The following GSG1 variants were observed in gnomAD, a reference collection of about 807,000 sequenced individuals.
GSG1 encodes germ cell-specific gene 1 protein.
GSG1 carries 28 observed loss-of-function variants against 30.8 expected under a neutral mutation model. The ratio of observed to expected loss-of-function variants is 0.91; its 90% CI spans 0.67 to 1.25. The LOEUF (loss-of-function observed/expected upper bound fraction) is 1.25, where lower values mean the gene tolerates loss of function less well. Ranked by LOEUF, GSG1 falls within the 50% of genes most tolerant of loss-of-function variation. The probability of loss-of-function intolerance (pLI) is 0.00; values close to 1 mark genes in which losing one functional copy is unlikely to be tolerated. For missense variants in GSG1, 435 were observed against 444.7 expected, an observed-to-expected ratio of 0.98 and a Z score of 0.20; for synonymous variants, 162 against 178.0, an observed-to-expected ratio of 0.91 and a Z score of 0.71.
intron 2 of GSG1, among the ~76,000 whole-genome samples, chr12:13,089,624 G>A (rs1353628201): frequency 6.6e-6 from 1 of 152,208 alleles, no homozygotes. Flanking sequence ...TGGCTGGCTG[G>A]CTTCGGTTCC....
chr12:13,098,424 T>C (rs890119344), intron 1 of GSG1, among the ~76,000 whole-genome samples: 1 of 144,722 alleles, frequency 6.9e-6, no homozygotes, highest in Non-Finnish European at 1.5e-5. Flanking sequence ...CCACTCCCTA[T>C]AGGAGTCTTG....
At chr12:13,097,345 T>C (rs750651203) in intron 1 of GSG1, among the ~76,000 whole-genome samples, 1 of 152,132 alleles carries the variant, frequency 6.6e-6, no homozygotes, top group Non-Finnish European at 1.5e-5. Flanking sequence ...TCATGATCCT[T>C]GTCACACTAT....
At chr12:13,097,023 G>A (rs1866715864) in intron 1 of GSG1, among the ~76,000 whole-genome samples, 1 of 152,110 alleles carries the variant, frequency 6.6e-6, no homozygotes. Flanking sequence ...CTGGGAGATG[G>A]AGGTTGCAGT....
At chr12:13,096,583 G>A (rs1018389577) in intron 1 of GSG1, among the ~76,000 whole-genome samples, 2 of 152,076 alleles carry the variant, frequency 1.3e-5, no homozygotes, top group African/African-American at 4.8e-5. Flanking sequence ...GATAGAATAG[G>A]ATTGGAGATA....
chr12:13,092,727 G>A (rs1340134461), intron 1 of GSG1, among the ~76,000 whole-genome samples: 2 of 152,056 alleles, frequency 1.3e-5, no homozygotes, highest in Non-Finnish European at 2.9e-5. Context: ...TGAGTAAATT[G>A]AGGGTGTTCT....
intron 1 of GSG1, among the ~76,000 whole-genome samples, chr12:13,099,597 G>A (rs1046658350): frequency 6.6e-6 from 1 of 152,194 alleles, no homozygotes; most frequent in East Asian, 1.9e-4. Context: ...CACATACTTC[G>A]TAAATGGGAA....
At chr12:13,089,111 G>T in intron 3 of GSG1, 97 bp downstream of exon 3, 1 of 1,353,638 alleles carries the variant, frequency 7.4e-7, no homozygotes, top group Non-Finnish European at 1.0e-6. Flanking sequence ...TTCAGTCTCT[G>T]ATAATGCAGA....
At position 13,099,740 on chromosome 12, in the gene GSG1, G is replaced by GTTT. The variant is rs1243237814; in HGVS notation, c.48+3722_48+3724dup. On this transcript the variant is annotated intron_variant, in intron 1 of 6. Transcript: ENST00000651961. ...AAGGCCTGGGGCTAAGGGATCCGGT[G>GTTT]TTTTTTTTTGTTTTTTTTTTTTTTT... Among the ~76,000 whole-genome samples the GTTT allele has an allele frequency of 1.4e-3, 136 of 95,766 alleles. 3 individuals are homozygous for GTTT. Among genetic ancestry groups the GTTT allele is most frequent in the Non-Finnish European group, 2.0e-3 (102 of 50,006 alleles). The allele number at this position is 95,766 out of a possible 152,430, so 62.8% of individuals were successfully genotyped here.
chr12:13,095,418 T>A (rs1866578114), intron 1 of GSG1, among the ~76,000 whole-genome samples: 1 of 152,212 alleles, frequency 6.6e-6, no homozygotes, highest in African/African-American at 2.4e-5. Context: ...CATTAGGAAG[T>A]GCGTAGGCGC....
intron 1 of GSG1, among the ~76,000 whole-genome samples, chr12:13,096,670 T>G (rs1437994873): frequency 1.3e-5 from 2 of 152,062 alleles, no homozygotes; most frequent in East Asian, 1.9e-4. Context: ...ATGACAATAT[T>G]TTATATTTCA....
At chr12:13,103,219 G>GTTT (rs937185612) in intron 1 of GSG1, among the ~76,000 whole-genome samples, 2 of 152,232 alleles carry the variant, frequency 1.3e-5, no homozygotes, top group Non-Finnish European at 2.9e-5. Flanking sequence ...AGAAATGGAA[G>GTTT]TTTTAATGAA....
chr12:13,090,940 A>T, intron 1 of GSG1, 122 bp from the exon 2 acceptor site: 1 of 801,340 alleles, frequency 1.2e-6, no homozygotes, highest in Non-Finnish European at 1.9e-6. Flanking sequence ...TCCAAGGCAG[A>T]TAGGCACAAC....
Position 13,084,750 on chromosome 12 carries a change from C to T in GSG1, c.*151G>A. 1 of 568,626 alleles carries T rather than the reference C, an allele frequency of 1.8e-6. No individual in the cohort carries two copies. The highest frequency in any genetic ancestry group is 3.1e-6 in the Non-Finnish European group (1 of 322,126). The allele number at this position is 568,626 out of a possible 1,614,324, so 35.2% of individuals were successfully genotyped here. A position where few individuals can be genotyped will look rare whatever the true frequency, so the allele number is the denominator to read the frequency against. Reference sequence around the variant, plus strand: ...AAAGAGAGCAGTGGCACCCAGGAATCCCTTAGGACTTAAAGATAACCCTTA... The same window carrying T: ...AAAGAGAGCAGTGGCACCCAGGAATTCCTTAGGACTTAAAGATAACCCTTA... On this transcript the variant is annotated 3_prime_UTR_variant, in exon 7 of 7. Transcript: ENST00000651961.
In GSG1 at chr12:13,099,750, G is replaced by GTTTTTTTTTTTTTTTTTTTTT. The variant is rs57762367; in HGVS notation, c.48+3714_48+3715insAAAAAAAAAAAAAAAAAAAAA. Among the ~76,000 whole-genome samples, 33 of 114,820 alleles carry GTTTTTTTTTTTTTTTTTTTTT rather than the reference G, an allele frequency of 2.9e-4. 1 individual carries two copies. The highest frequency in any genetic ancestry group is 6.5e-4 in the African/African-American group (21 of 32,262). The allele number at this position is 114,820 out of a possible 152,430, so 75.3% of individuals were successfully genotyped here. A position where few individuals can be genotyped will look rare whatever the true frequency, so the allele number is the denominator to read the frequency against. On this transcript the variant is annotated intron_variant, in intron 1 of 6. Coordinates refer to ENST00000651961, the MANE Select transcript of GSG1 (RefSeq NM_001080555.4). Reference sequence around the variant, plus strand: ...GCTAAGGGATCCGGTGTTTTTTTTTGTTTTTTTTTTTTTTTTTTGTTTTTT... The same window carrying GTTTTTTTTTTTTTTTTTTTTT: ...GCTAAGGGATCCGGTGTTTTTTTTTGTTTTTTTTTTTTTTTTTTTTTTTTTTTTTTTTTTTTTTTGTTTTTT...
chr12:13,087,009 A>T (rs999203045), intron 6 of GSG1, 143 bp downstream of exon 6: 2 of 605,908 alleles, frequency 3.3e-6, no homozygotes. Flanking sequence ...TGCCCTGATG[A>T]TGCAGCCCTG....
rs1021259913 is a variant in GSG1, at chr12:13,101,457, G to C, written c.48+2008C>G. Among the ~76,000 whole-genome samples the C allele has an allele frequency of 6.6e-6, 1 of 152,242 alleles. No individual in the cohort carries two copies. The highest frequency in any genetic ancestry group is 2.4e-5 in the African/African-American group (1 of 41,464). ...TGTTTCTTCCTCTGGGTCTTCCTCC[G>C]TCGGTTGAGAACGGTGTCCCGGGGG... is the stretch of plus-strand genomic sequence containing the variant. On this transcript the variant is annotated intron_variant, in intron 1 of 6. Transcript: ENST00000651961. The surrounding 1 kb of genome is among the most constrained non-coding windows in gnomAD (Gnocchi z 5.8).
chr12:13,098,776 A>T (rs1200675842), intron 1 of GSG1, among the ~76,000 whole-genome samples: 1 of 152,000 alleles, frequency 6.6e-6, no homozygotes, highest in Non-Finnish European at 1.5e-5. Context: ...GCCTCTGCTC[A>T]TAAACTGCAC....
intron 6 of GSG1, 117 bp from the exon 7 acceptor site, chr12:13,085,360 T>C: frequency 2.2e-6 from 2 of 898,692 alleles, no homozygotes; most frequent in Non-Finnish European, 3.3e-6. Flanking sequence ...ATTTAGGGAC[T>C]TTCCACCATG....
intron 1 of GSG1, among the ~76,000 whole-genome samples, chr12:13,092,789 CTT>C (rs139352942): frequency 0.88 from 126,687 of 144,572 alleles, 57,535 homozygotes; most frequent in East Asian, 0.99. Flanking sequence ...TAAACTTTTT[CTT>C]TTTTTTTTTT....
Sources: gnomAD v4.1 joint callset for allele counts (sites outside exome capture counted in the v4.1 genomes callset) on GRCh38, gnomAD v4.1.1 for gene constraint, Gnocchi (gnomAD v3.1) non-coding constraint, MANE v1.5 for transcripts, NCBI Gene and HGNC (gene_info 2026-07-23, HGNC 2026-07-21) for gene names.